NAV2: variants seen among roughly 807,000 people sequenced by gnomAD.
NAV2 encodes helicase, APC down-regulated 1.
In NAV2, 54 loss-of-function variants were observed where a neutral mutation model predicts 223.2. The ratio of observed to expected loss-of-function variants is 0.24; its 90% CI spans 0.19 to 0.30. The LOEUF (loss-of-function observed/expected upper bound fraction) is 0.30, where lower values mean the gene tolerates loss of function less well. Ranked by LOEUF, NAV2 falls within the 10% of genes least tolerant of loss-of-function variation. NAV2 has a pLI of 1.00. For missense variants in NAV2, 2,806 were observed against 3,147.5 expected (o/e 0.89, Z 2.60); for synonymous variants, 1,279 against 1,239.3 (o/e 1.03, Z -0.67).
intron 1 of NAV2, among the ~76,000 whole-genome samples, chr11:19,561,302 T>C (rs2045088600): frequency 6.6e-6 from 1 of 152,062 alleles, no homozygotes; most frequent in Non-Finnish European, 1.5e-5. Context: ...GGGTGCAGCG[T>C]CTCCTAACCA....
chr11:20,114,336 C>G, intron 36 of NAV2: 1 of 548,998 alleles, frequency 1.8e-6, no homozygotes, highest in South Asian at 2.2e-5. Flanking sequence ...GAGTCAGTGG[C>G]AGAGCTGAGA....
chr11:19,414,325 A>G (rs370538705), intron 1 of NAV2, among the ~76,000 whole-genome samples: 8 of 152,250 alleles, frequency 5.3e-5, no homozygotes, highest in African/African-American at 1.7e-4. Flanking sequence ...CTTTAAACCA[A>G]CAAAGATCAA....
chr11:19,547,698 C>A (rs2044549005), intron 1 of NAV2, among the ~76,000 whole-genome samples: 1 of 152,102 alleles, frequency 6.6e-6, no homozygotes, highest in South Asian at 2.1e-4. Context: ...CAAGTAGGAC[C>A]CCCTCTCTTC....
At chr11:19,774,003 T>A (rs1483879827) in intron 1 of NAV2, among the ~76,000 whole-genome samples, 1 of 152,210 alleles carries the variant, frequency 6.6e-6, no homozygotes, top group Admixed American at 6.5e-5. Context: ...GCCTACCAAA[T>A]AACCCCATGT....
rs1433874530 is a variant in NAV2 at position 19,998,506 on chromosome 11, T to C, written c.2768+14259T>C. Among the ~76,000 whole-genome samples, 2 of 152,100 alleles carry C rather than the reference T, an allele frequency of 1.3e-5. No individual in the cohort carries two copies. Among genetic ancestry groups the C allele is most frequent in the Admixed American group, 6.6e-5 (1 of 15,258 alleles). ...GAAACCCTCCCTTAGTGCCTTTCCA[T>C]TGCACCTAGAATAAAGGTCAGACTC... On this transcript the variant is annotated intron_variant, in intron 11 of 37. Coordinates refer to ENST00000349880, the MANE Select transcript of NAV2 (RefSeq NM_145117.5). This position sits in a 1 kb window ranked among gnomAD's most constrained non-coding sequence, Gnocchi z 5.0.
At chr11:19,899,026 C>A (rs1468469244) in intron 6 of NAV2, among the ~76,000 whole-genome samples, 1 of 152,166 alleles carries the variant, frequency 6.6e-6, no homozygotes, top group Non-Finnish European at 1.5e-5. Flanking sequence ...TCAGTTTCCC[C>A]TCTGTGAGTC....
In NAV2 at chr11:20,037,095, A is replaced by C. The variant is rs1299630079; in HGVS notation, c.2907+998A>C. On this transcript the variant is annotated intron_variant, in intron 12 of 37. Transcript: ENST00000349880. Reference sequence around the variant, plus strand: ...ACCAGAACTGGCCAGCTGTGGTGGCATTGGCGTCGTAGGCTGGAATCTTTT... The same window carrying C: ...ACCAGAACTGGCCAGCTGTGGTGGCCTTGGCGTCGTAGGCTGGAATCTTTT... Among the ~76,000 whole-genome samples the C allele has an allele frequency of 2.0e-5, 3 of 152,234 alleles. No homozygotes were observed. In the East Asian group the frequency reaches 5.8e-4, roughly 29 times the overall value.
intron 1 of NAV2, among the ~76,000 whole-genome samples, chr11:19,548,217 A>G (rs1042709517): frequency 7.9e-5 from 12 of 152,242 alleles, no homozygotes; most frequent in African/African-American, 2.9e-4. Flanking sequence ...AAACTTAAAG[A>G]AAGGGCATAA....
At chr11:20,107,905 G>T in intron 36 of NAV2, 123 bp downstream of exon 36, 1 of 720,416 alleles carries the variant, frequency 1.4e-6, no homozygotes, top group Non-Finnish European at 2.4e-6. Context: ...CCTCACCTGG[G>T]AGTTCATCAG....
chr11:19,789,956 C>T (rs774864089), intron 1 of NAV2, among the ~76,000 whole-genome samples: 23 of 152,282 alleles, frequency 1.5e-4, no homozygotes, highest in Non-Finnish European at 3.1e-4. Context: ...TTTTGAAACC[C>T]GGACTTTGAA....
Position 19,905,769 on chromosome 11 carries a change from G to C in NAV2, c.931+13175G>C, listed in dbSNP as rs79125638. 1.9e-3 allele frequency among the ~76,000 whole-genome samples: 284 copies of C among 152,260 alleles called. 1 individual carries two copies. The highest frequency in any genetic ancestry group is 3.4e-3 in the Non-Finnish European group (234 of 68,018). Reference sequence around the variant, plus strand: ...TCTTACCTAGGTCACCTGACTCCAAGCTTTTGCTCTTTTAGCCACAATTTG... The same window carrying C: ...TCTTACCTAGGTCACCTGACTCCAACCTTTTGCTCTTTTAGCCACAATTTG... On this transcript the variant is annotated intron_variant, in intron 6 of 37. Coordinates refer to ENST00000349880, the MANE Select transcript of NAV2 (RefSeq NM_145117.5).
At chr11:19,829,831 C>T (rs991633835) in intron 1 of NAV2, among the ~76,000 whole-genome samples, 2 of 152,202 alleles carry the variant, frequency 1.3e-5, no homozygotes, top group African/African-American at 4.8e-5. Context: ...CCTTATTGTA[C>T]TCATTTTACA....
At chr11:19,789,088 C>A (rs1217153356) in intron 1 of NAV2, among the ~76,000 whole-genome samples, 1 of 152,016 alleles carries the variant, frequency 6.6e-6, no homozygotes, top group Non-Finnish European at 1.5e-5. Flanking sequence ...ACTAAATCAA[C>A]AAATGAATCT....
chr11:19,617,174 T>A (rs1016562504), intron 1 of NAV2, among the ~76,000 whole-genome samples: 3 of 152,204 alleles, frequency 2.0e-5, no homozygotes, highest in African/African-American at 7.2e-5. Context: ...GGGCTATTTA[T>A]TTCTGATGAC....
chr11:19,930,199 A>G (rs1565579223), intron 6 of NAV2, among the ~76,000 whole-genome samples: 12 of 152,270 alleles, frequency 7.9e-5, no homozygotes, highest in Admixed American at 7.8e-4. Flanking sequence ...ATGTGATATA[A>G]ACCAGGCCTG....
chr11:19,479,921 G>A (rs2042229282), intron 1 of NAV2, among the ~76,000 whole-genome samples: 2 of 152,298 alleles, frequency 1.3e-5, no homozygotes, highest in African/African-American at 4.8e-5. Flanking sequence ...ATGCTGTAGG[G>A]CAGATTGGCA....
rs536863828 is a variant in NAV2 at position 20,051,801 on chromosome 11, C to T, written c.4481+468C>T. Among the ~76,000 whole-genome samples the T allele has an allele frequency of 2.0e-5, 3 of 152,318 alleles. No individual in the cohort carries two copies. The South Asian group carries it at 6.2e-4, about 32-fold the overall frequency. On this transcript the variant is annotated intron_variant, in intron 17 of 37. Transcript: ENST00000349880. ...TAACTTTTCTGCCCATAAAAAATTGCTAGACAGATACTTTGCCCTTGTCTA... is the reference window on the plus strand; with the variant it reads ...TAACTTTTCTGCCCATAAAAAATTGTTAGACAGATACTTTGCCCTTGTCTA...
intron 1 of NAV2, among the ~76,000 whole-genome samples, chr11:19,620,090 G>T (rs980250992): frequency 2.6e-5 from 4 of 152,216 alleles, no homozygotes; most frequent in Non-Finnish European, 5.9e-5. Context: ...TATTATTTCT[G>T]AGGGCTCTGT....
At chr11:19,405,646 G>T (rs1311936750) in intron 1 of NAV2, among the ~76,000 whole-genome samples, 1 of 152,184 alleles carries the variant, frequency 6.6e-6, no homozygotes, top group Non-Finnish European at 1.5e-5. Context: ...ATTCAGACAG[G>T]CCTAGATTGA....
Sources: gnomAD v4.1 joint callset for allele counts (sites outside exome capture counted in the v4.1 genomes callset) on GRCh38, gnomAD v4.1.1 for gene constraint, Gnocchi (gnomAD v3.1) non-coding constraint, MANE v1.5 for transcripts, NCBI Gene and HGNC (gene_info 2026-07-23, HGNC 2026-07-21) for gene names.